The following PDCD10 variants were observed in gnomAD, a reference collection of about 807,000 sequenced individuals.
The protein encoded by PDCD10 is programmed cell death 10, also known as programmed cell death protein 10.
A neutral mutation model predicts 29.2 loss-of-function variants in PDCD10; 4 were observed. The ratio of observed to expected loss-of-function variants is 0.14; its 90% CI spans 0.07 to 0.31. The LOEUF is 0.31. Among genes scored for constraint, PDCD10 ranks in the 10% least tolerant of loss-of-function variants. The probability of loss-of-function intolerance (pLI) is 1.00; values close to 1 mark genes in which losing one functional copy is unlikely to be tolerated. For missense variants in PDCD10, 183 were observed against 257.9 expected (o/e 0.71, Z 1.99); for synonymous variants, 70 against 82.2 (o/e 0.85, Z 0.80).
intron 6 of PDCD10, among the ~76,000 whole-genome samples, chr3:167,693,334 G>A (rs924717268): frequency 3.3e-5 from 5 of 152,144 alleles, no homozygotes; most frequent in African/African-American, 9.7e-5. Flanking sequence ...AAAAAGCCAC[G>A]TATCATTATT....
rs1719281988 is a variant in PDCD10, at chr3:167,683,672, T to C, written c.*636A>G. On this transcript the variant is annotated 3_prime_UTR_variant, in exon 9 of 9. Coordinates refer to ENST00000392750, the MANE Select transcript of PDCD10 (RefSeq NM_007217.4). ...AAACAGGTTGGAAATCATATAAAAA[T>C]ACTCAGTACCTTATAAGTAATTAAC... The C allele has an allele frequency of 6.6e-6, 1 of 151,848 alleles. No individual in the cohort carries two copies. The highest frequency in any genetic ancestry group is 2.4e-5 in the African/African-American group (1 of 41,400). The allele number at this position is 151,848 out of a possible 1,614,324, so 9.4% of individuals were successfully genotyped here.
intron 3 of PDCD10, among the ~76,000 whole-genome samples, chr3:167,716,891 A>G (rs1021351238): frequency 6.6e-6 from 1 of 152,000 alleles, no homozygotes; most frequent in Non-Finnish European, 1.5e-5. Context: ...TGGTCTTAGG[A>G]AAAGAAAACA....
intron 2 of PDCD10, among the ~76,000 whole-genome samples, chr3:167,722,426 CAGG>C (rs1004208695): frequency 3.7e-4 from 57 of 152,200 alleles, no homozygotes; most frequent in African/African-American, 1.4e-3. Context: ...TATATCGCTA[CAGG>C]AGAACTGGAG....
chr3:167,688,663 T>TC (rs1171389909), intron 6 of PDCD10, among the ~76,000 whole-genome samples: 3 of 152,142 alleles, frequency 2.0e-5, no homozygotes, highest in Non-Finnish European at 2.9e-5. Flanking sequence ...CGACAAACCT[T>TC]CTTTTTCACA....
intron 3 of PDCD10, among the ~76,000 whole-genome samples, chr3:167,707,522 CA>C (rs201054541): frequency 1.3e-5 from 2 of 150,582 alleles, no homozygotes; most frequent in Admixed American, 6.6e-5. Context: ...ACTAAAAATA[CA>C]AAAAAAAATT....
At chr3:167,712,709 G>A (rs115925032) in intron 3 of PDCD10, among the ~76,000 whole-genome samples, 2,270 of 151,856 alleles carry the variant, frequency 0.015, 59 homozygotes, top group African/African-American at 0.051. Flanking sequence ...TGTTGCCTAC[G>A]AGAAACACAT....
intron 3 of PDCD10, among the ~76,000 whole-genome samples, chr3:167,706,873 T>TAG (rs1281446810): frequency 1.3e-5 from 2 of 152,234 alleles, no homozygotes; most frequent in Non-Finnish European, 2.9e-5. Flanking sequence ...CAGCCTGTAC[T>TAG]AGTTAGGTAG....
intron 4 of PDCD10, chr3:167,698,000 G>C (rs1198100185): frequency 2.2e-6 from 1 of 456,366 alleles, no homozygotes; most frequent in East Asian, 7.0e-5. Flanking sequence ...CAGCAAAATA[G>C]AAACACAATT....
At chr3:167,732,813 A>T (rs912874134) in intron 2 of PDCD10, among the ~76,000 whole-genome samples, 4 of 152,206 alleles carry the variant, frequency 2.6e-5, no homozygotes, top group Non-Finnish European at 4.4e-5. Flanking sequence ...TAGAAAACAG[A>T]TTAATATTCT....
At chr3:167,715,797 T>C (rs1722949081) in intron 3 of PDCD10, among the ~76,000 whole-genome samples, 3 of 152,016 alleles carry the variant, frequency 2.0e-5, no homozygotes, top group East Asian at 1.9e-4. Context: ...AGGAAAACCC[T>C]GGTATAGTGT....
chr3:167,700,310 A>G (rs1721261064), intron 4 of PDCD10, among the ~76,000 whole-genome samples: 1 of 152,116 alleles, frequency 6.6e-6, no homozygotes, highest in Non-Finnish European at 1.5e-5. Context: ...CAGCCCTCAC[A>G]TATTTTTCTC....
intron 8 of PDCD10, among the ~76,000 whole-genome samples, chr3:167,685,957 A>G (rs1456931269): frequency 6.6e-6 from 1 of 152,178 alleles, no homozygotes; most frequent in African/African-American, 2.4e-5. Flanking sequence ...ACCTGTTTGA[A>G]CTGTTAAAAA....
intron 3 of PDCD10, among the ~76,000 whole-genome samples, chr3:167,719,715 T>C (rs1432752396): frequency 6.6e-6 from 1 of 152,128 alleles, no homozygotes; most frequent in African/African-American, 2.4e-5. Context: ...TATATGTCTC[T>C]TCTTAAGTGA....
At chr3:167,701,172 T>C (rs1721384764) in intron 4 of PDCD10, among the ~76,000 whole-genome samples, 2 of 152,184 alleles carry the variant, frequency 1.3e-5, no homozygotes, top group African/African-American at 4.8e-5. Context: ...CAATGCGTTG[T>C]TTCTGCGGTT....
intron 3 of PDCD10, among the ~76,000 whole-genome samples, chr3:167,718,102 T>C (rs1472296335): frequency 6.6e-6 from 1 of 152,050 alleles, no homozygotes; most frequent in African/African-American, 2.4e-5. Context: ...TAATGGTTCC[T>C]GGAGTAACTG....
chr3:167,695,349 A>G (rs1477145832), intron 6 of PDCD10, among the ~76,000 whole-genome samples: 1 of 152,170 alleles, frequency 6.6e-6, no homozygotes, highest in Non-Finnish European at 1.5e-5. Flanking sequence ...TCTTCCCATC[A>G]TTTATGTAGT....
At chr3:167,698,782 C>G (rs1473892482) in intron 4 of PDCD10, among the ~76,000 whole-genome samples, 1 of 152,050 alleles carries the variant, frequency 6.6e-6, no homozygotes, top group Admixed American at 6.6e-5. Context: ...AAAAGAAAAG[C>G]ATATCTCTGA....
At chr3:167,699,771 A>C (rs1721185396) in intron 4 of PDCD10, among the ~76,000 whole-genome samples, 3 of 152,232 alleles carry the variant, frequency 2.0e-5, no homozygotes, top group Admixed American at 1.3e-4. Context: ...ATCAAGTAGA[A>C]TATAGCTGAC....
chr3:167,704,975 T>A, intron 3 of PDCD10, 80 bp from the exon 4 acceptor site: 4 of 798,516 alleles, frequency 5.0e-6, no homozygotes, highest in Non-Finnish European at 8.5e-6. Context: ...TCTGTAGCAA[T>A]CACATGAACA....
Sources: allele counts gnomAD v4.1 joint callset (sites outside exome capture counted in the v4.1 genomes callset), GRCh38; gene constraint gnomAD v4.1.1; transcripts MANE v1.5; gene names NCBI Gene and HGNC (gene_info 2026-07-23, HGNC 2026-07-21).